The following SEC24B variants were observed in gnomAD, a reference collection of about 807,000 sequenced individuals.
The protein encoded by SEC24B is protein transport protein Sec24B.
SEC24B carries 45 observed loss-of-function variants against 142.8 expected under a neutral mutation model. The ratio of observed to expected loss-of-function variants is 0.32; its 90% CI spans 0.25 to 0.40. The LOEUF (loss-of-function observed/expected upper bound fraction) is 0.40, where lower values mean the gene tolerates loss of function less well. SEC24B is among the 10% of genes least tolerant of loss of function. The probability of loss-of-function intolerance (pLI) is 1.00; values close to 1 mark genes in which losing one functional copy is unlikely to be tolerated. For missense variants in SEC24B, 1,409 were observed against 1,526.8 expected (o/e 0.92, Z 1.29); for synonymous variants, 574 against 568.2 (o/e 1.01, Z -0.15).
Position 109,502,906 on chromosome 4 carries a change from AT to A in SEC24B, c.1489-3420del, listed in dbSNP as rs543876723. ...AAATCCCTGTTTATATTTTTTCACCATTGTTGTGTGTGTCTGCAATAAGTGT... is the reference window on the plus strand; with the variant it reads ...AAATCCCTGTTTATATTTTTTCACCATGTTGTGTGTGTCTGCAATAAGTGT... On this transcript the variant is annotated intron_variant, in intron 6 of 23. Transcript: ENST00000265175. Among the ~76,000 whole-genome samples the A allele has an allele frequency of 1.9e-3, 289 of 152,030 alleles. 2 individuals carry two copies. Among genetic ancestry groups the A allele is most frequent in the Non-Finnish European group, 3.0e-3 (207 of 67,942 alleles).
chr4:109,538,406 G>T (rs1725792368), intron 22 of SEC24B, 87 bp from the exon 23 acceptor site: 1 of 815,800 alleles, frequency 1.2e-6, no homozygotes, highest in African/African-American at 1.7e-5. Flanking sequence ...CTGGCAGTTG[G>T]GGGTGATGGT....
chr4:109,535,398 C>CA (rs1289594154), intron 22 of SEC24B, among the ~76,000 whole-genome samples: 5 of 149,190 alleles, frequency 3.4e-5, no homozygotes, highest in African/African-American at 7.4e-5. Context: ...TTAAAAAATA[C>CA]AAAAAAAATT....
chr4:109,482,582 A>G (rs1237406564), intron 4 of SEC24B, among the ~76,000 whole-genome samples: 1 of 152,116 alleles, frequency 6.6e-6, no homozygotes, highest in East Asian at 1.9e-4. Context: ...TATGTTTCAT[A>G]TACACCTATA....
intron 6 of SEC24B, among the ~76,000 whole-genome samples, chr4:109,504,578 G>A (rs927991143): frequency 4.6e-5 from 7 of 151,880 alleles, no homozygotes; most frequent in Non-Finnish European, 7.4e-5. Context: ...ATATTTAGGT[G>A]TATTACTTCA....
intron 17 of SEC24B, 97 bp from the exon 18 acceptor site, chr4:109,527,218 CAAAAAAA>C: frequency 1.5e-6 from 1 of 649,710 alleles, no homozygotes; most frequent in South Asian, 2.1e-5. Context: ...GACTCCGTCT[CAAAAAAA>C]AAAAAAAGAA....
chr4:109,455,212 A>G (rs928682241), intron 1 of SEC24B, among the ~76,000 whole-genome samples: 2 of 152,006 alleles, frequency 1.3e-5, no homozygotes, highest in Middle Eastern at 3.4e-3. Context: ...TCAAAAATCC[A>G]TATTTTCTCT....
intron 4 of SEC24B, 66 bp downstream of exon 4, chr4:109,481,847 TCTTA>T (rs1561115025): frequency 1.1e-5 from 13 of 1,200,426 alleles, no homozygotes; most frequent in African/African-American, 4.5e-5. Context: ...GTTTCCACAG[TCTTA>T]CTTAGCCTTT....
At chr4:109,455,831 C>T (rs1345633029) in intron 1 of SEC24B, among the ~76,000 whole-genome samples, 1 of 151,906 alleles carries the variant, frequency 6.6e-6, no homozygotes, top group Non-Finnish European at 1.5e-5. Context: ...AGTCTTCCAA[C>T]TTTGTTCCTT....
At position 109,524,958 on chromosome 4, in the gene SEC24B, TG is replaced by T. The variant is rs1260517642; in HGVS notation, c.2632+20del. 39 of 1,586,880 alleles carry T rather than the reference TG, an allele frequency of 2.5e-5. No homozygotes were observed. The highest frequency in any genetic ancestry group is 3.3e-5 in the Non-Finnish European group (39 of 1,169,092). On this transcript the variant is annotated intron_variant, in intron 15 of 23. Transcript: ENST00000265175. ...CTTCTCTAGGTAAGGAAAGTCATCA[TG>T]GGTACATTTGTTTAAATGAACATTT...
Position 109,540,564 on chromosome 4 carries a change from G to A in SEC24B, c.*889G>A, listed in dbSNP as rs1476800482. ...TGAATTTACTAATTGGGGAAGTGCA[G>A]TGATACTGCATTTCAGTTAGTAATA... On this transcript the variant is annotated 3_prime_UTR_variant, in exon 24 of 24. Coordinates refer to ENST00000265175, the MANE Select transcript of SEC24B (RefSeq NM_006323.5). 1 of 152,102 alleles carries A rather than the reference G, an allele frequency of 6.6e-6. No homozygotes were observed. Among genetic ancestry groups the A allele is most frequent in the Non-Finnish European group, 1.5e-5 (1 of 68,020 alleles). The allele number at this position is 152,102 out of a possible 1,614,324, so 9.4% of individuals were successfully genotyped here.
At chr4:109,472,307 C>T (rs34505473) in intron 2 of SEC24B, among the ~76,000 whole-genome samples, 27,019 of 152,120 alleles carry the variant, frequency 0.18, 2,667 homozygotes, top group African/African-American at 0.27. Flanking sequence ...TTGAAGATTA[C>T]CTTCAATAAC....
At chr4:109,475,718 C>T (rs1022951944) in intron 3 of SEC24B, among the ~76,000 whole-genome samples, 14 of 152,202 alleles carry the variant, frequency 9.2e-5, no homozygotes, top group African/African-American at 3.4e-4. Context: ...CTACCATCGT[C>T]CTTTTGCAAA....
At chr4:109,481,014 G>C (rs997012877) in intron 3 of SEC24B, among the ~76,000 whole-genome samples, 9 of 152,192 alleles carry the variant, frequency 5.9e-5, no homozygotes, top group Non-Finnish European at 1.3e-4. Flanking sequence ...CTCACATGTA[G>C]GCAATAGGAT....
intron 2 of SEC24B, among the ~76,000 whole-genome samples, chr4:109,466,393 T>C (rs1049832123): frequency 6.6e-6 from 1 of 152,212 alleles, no homozygotes; most frequent in Non-Finnish European, 1.5e-5. Context: ...TCTTAAGTAT[T>C]AAACATAGTT....
chr4:109,487,214 G>A (rs1734462486), intron 4 of SEC24B, among the ~76,000 whole-genome samples: 1 of 151,322 alleles, frequency 6.6e-6, no homozygotes, highest in South Asian at 2.1e-4. Context: ...GATTGAGAAT[G>A]TGCTCCTGCA....
chr4:109,527,444 T>C lies in SEC24B; in HGVS notation c.3076+12T>C. The stretch of plus-strand genomic sequence containing the variant: ...TCTGGCAAACATGGGTGAGTAAAAA[T>C]TGAAGGAACATGTGAAATGTATTTT... On this transcript the variant is annotated intron_variant, in intron 18 of 23. Transcript: ENST00000265175. The C allele has an allele frequency of 3.9e-6, 6 of 1,549,952 alleles. No homozygotes were observed. The highest frequency in any genetic ancestry group is 5.3e-6 in the Non-Finnish European group (6 of 1,124,122).
rs765506866 is a variant in SEC24B at position 109,440,120 on chromosome 4, C to CAA, written c.133+6131_133+6132dup. On this transcript the variant is annotated intron_variant, in intron 1 of 23. Transcript: ENST00000265175. The stretch of plus-strand genomic sequence containing the variant: ...GGGGGACAAGAGCGAGACTTCGTCG[C>CAA]AAAAAAAAAAAAAAGATCTTAAAGT... 8.4e-4 allele frequency among the ~76,000 whole-genome samples: 78 copies of CAA among 92,658 alleles called. 2 individuals are homozygous for CAA. The highest frequency in any genetic ancestry group is 8.0e-3 in the Admixed American group (70 of 8,778). The allele number at this position is 92,658 out of a possible 152,430, so 60.8% of individuals were successfully genotyped here. A position where few individuals can be genotyped will look rare whatever the true frequency, so the allele number is the denominator to read the frequency against.
Position 109,506,464 on chromosome 4 carries a change from C to T in SEC24B, c.1625C>T (p.Pro542Leu). The T allele has an allele frequency of 6.2e-7, 1 of 1,602,186 alleles. No individual in the cohort carries two copies. Among genetic ancestry groups the T allele is most frequent in the South Asian group, 1.1e-5 (1 of 88,758 alleles). Residue 542 changes from proline to leucine, a missense_variant, in exon 7 of 24, where the codon CCT (proline) becomes CTT (leucine). This residue lies in a region of SEC24B where 709 missense variants were observed against 673.5 expected (regional missense o/e 1.05). Transcript: ENST00000265175. ...NILPMTPVWAPVPNLNADLKK... is the reference protein window; with the variant it reads ...NILPMTPVWALVPNLNADLKK... ...TTACCTATGACTCCTGTTTGGGCTC[C>T]TGTACCTAACTTGAATGCAGACCTC...
At chr4:109,491,088 T>C (rs1478094909) in intron 4 of SEC24B, among the ~76,000 whole-genome samples, 1 of 152,178 alleles carries the variant, frequency 6.6e-6, no homozygotes, top group Non-Finnish European at 1.5e-5. Context: ...TAAGATACTT[T>C]ACATGTTTAA....
Sources: gnomAD v4.1 joint callset for allele counts (sites outside exome capture counted in the v4.1 genomes callset) on GRCh38, gnomAD v4.1.1 for gene constraint, gnomAD v4.1.1 regional missense constraint, MANE v1.5 for transcripts, NCBI Gene and HGNC (gene_info 2026-07-23, HGNC 2026-07-21) for gene names.